Variants in FIRRM observed in about 807,000 individuals in gnomAD.
The protein encoded by FIRRM is FIGNL1-interacting regulator of recombination and mitosis.
the FIRRM span, among the ~76,000 whole-genome samples, chr1:169,815,112 G>A: frequency 8.2e-4 from 124 of 151,818 alleles, no homozygotes; most frequent in African/African-American, 2.8e-3. Context: ...CCTGGCCAAC[G>A]TGGTAAAACC....
At chr1:169,792,949 C>A in the FIRRM span, 1 of 1,614,020 alleles carries the variant, frequency 6.2e-7, no homozygotes, top group Non-Finnish European at 8.5e-7. Flanking sequence ...TGCATCTTTT[C>A]ACATCTGGCT....
chr1:169,835,122 A>C, the FIRRM span, among the ~76,000 whole-genome samples: 1 of 152,174 alleles, frequency 6.6e-6, no homozygotes, highest in Non-Finnish European at 1.5e-5. Context: ...TTATTCAACT[A>C]TTTGCATACA....
chr1:169,834,685 C>G, the FIRRM span, among the ~76,000 whole-genome samples: 1 of 152,108 alleles, frequency 6.6e-6, no homozygotes, highest in Non-Finnish European at 1.5e-5. Context: ...AACAGCTGAT[C>G]TGGGATGCTG....
chr1:169,793,902 AAAG>A, the FIRRM span: 4 of 417,624 alleles, frequency 9.6e-6, no homozygotes, highest in East Asian at 3.6e-5. Context: ...GCAGCTCTGG[AAAG>A]AAAAAAAAAA....
the FIRRM span, among the ~76,000 whole-genome samples, chr1:169,786,130 T>C: frequency 0.51 from 76,800 of 151,934 alleles, 19,913 homozygotes; most frequent in Middle Eastern, 0.63. Flanking sequence ...ATATAAATAA[T>C]ATTTTTTTCC....
chr1:169,824,962 C>T, the FIRRM span, among the ~76,000 whole-genome samples: 2 of 152,286 alleles, frequency 1.3e-5, no homozygotes, highest in South Asian at 4.1e-4. Flanking sequence ...CCATATCATC[C>T]TCATACCCAA....
At chr1:169,798,914 C>A in the FIRRM span, 1 of 1,321,064 alleles carries the variant, frequency 7.6e-7, no homozygotes, top group Non-Finnish European at 1.0e-6. Context: ...CCTTAATTAT[C>A]CTACTCATTG....
chr1:169,792,419 G>C, the FIRRM span: 13 of 576,438 alleles, frequency 2.3e-5, no homozygotes, highest in South Asian at 3.9e-4. Flanking sequence ...TTCACCTAGT[G>C]AGTAAAAGAC....
chr1:169,798,911 T>C, the FIRRM span: 1 of 1,314,006 alleles, frequency 7.6e-7, no homozygotes, highest in Admixed American at 2.2e-5. Context: ...CTTCCTTAAT[T>C]ATCCTACTCA....
the FIRRM span, chr1:169,829,544 C>G: frequency 9.4e-6 from 11 of 1,165,034 alleles, no homozygotes; most frequent in Non-Finnish European, 1.3e-5. Flanking sequence ...TGTGGGAATA[C>G]TTAGTATATT....
At chr1:169,827,490 T>A in the FIRRM span, among the ~76,000 whole-genome samples, 1 of 151,932 alleles carries the variant, frequency 6.6e-6, no homozygotes, top group Non-Finnish European at 1.5e-5. Context: ...ATACAAAAAT[T>A]AGCTGGGTGT....
the FIRRM span, chr1:169,793,654 T>C: frequency 6.2e-7 from 1 of 1,612,486 alleles, no homozygotes; most frequent in South Asian, 1.1e-5. Flanking sequence ...TTAATTCATT[T>C]TCCAGATGGT....
the FIRRM span, among the ~76,000 whole-genome samples, chr1:169,784,426 T>C: frequency 1.3e-5 from 2 of 152,178 alleles, no homozygotes; most frequent in African/African-American, 4.8e-5. Flanking sequence ...TTCCTTGGGC[T>C]CTACCATTTT....
At chr1:169,830,782 T>A in the FIRRM span, 10 of 1,550,474 alleles carry the variant, frequency 6.4e-6, no homozygotes, top group Non-Finnish European at 8.9e-6. Flanking sequence ...ACACCCACTT[T>A]CTATGCACTT....
At chr1:169,853,431 G>A in the FIRRM span, 4 of 402,298 alleles carry the variant, frequency 9.9e-6, no homozygotes, top group African/African-American at 4.2e-5. Context: ...CAGTAAATTC[G>A]ACCTCTCCTC....
At chr1:169,810,020 C>T in the FIRRM span, among the ~76,000 whole-genome samples, 1 of 152,144 alleles carries the variant, frequency 6.6e-6, no homozygotes, top group South Asian at 2.1e-4. Context: ...TGGTGTCTAA[C>T]GAGGGTGTGC....
chr1:169,804,100 G>A, the FIRRM span: 1 of 1,525,874 alleles, frequency 6.6e-7, no homozygotes, highest in Non-Finnish European at 8.8e-7. Context: ...TATTCTGGGT[G>A]TTTACACCTA....
chr1:169,840,256 G>GA, the FIRRM span, among the ~76,000 whole-genome samples: 1 of 152,094 alleles, frequency 6.6e-6, no homozygotes, highest in South Asian at 2.1e-4. Context: ...CTAATTCTGT[G>GA]AAAAATGGTG....
chr1:169,851,187 ATAATAGT>A, the FIRRM span: 1 of 152,590 alleles, frequency 6.6e-6, no homozygotes, highest in Non-Finnish European at 1.5e-5. Flanking sequence ...GTGTGAGGAA[ATAATAGT>A]TAATTGAAAT....
Sources: allele counts gnomAD v4.1 joint callset (sites outside exome capture counted in the v4.1 genomes callset), GRCh38; gene constraint gnomAD v4.1.1; transcripts MANE v1.5; gene names NCBI Gene and HGNC (gene_info 2026-07-23, HGNC 2026-07-21).